The following PYHIN1 variants were observed in gnomAD, a reference collection of about 807,000 sequenced individuals.
The protein encoded by PYHIN1 is pyrin and HIN domain family member 1.
In PYHIN1, 32 loss-of-function variants were observed where a neutral mutation model predicts 43.7. The ratio of observed to expected loss-of-function variants is 0.73; its 90% confidence interval spans 0.55 to 0.98. The LOEUF is 0.98. Ranked by LOEUF, PYHIN1 falls within the 50% of genes least tolerant of loss-of-function variation. The pLI, the probability that PYHIN1 is intolerant of heterozygous loss-of-function variation, is 0.00. For missense variants in PYHIN1, 588 were observed against 589.5 expected, an observed-to-expected ratio of 1.00 and a Z score of 0.03; for synonymous variants, 205 against 203.1, an observed-to-expected ratio of 1.01 and a Z score of -0.08.
the PYHIN1 span, among the ~76,000 whole-genome samples, chr1:158,983,725 C>A: frequency 1.3e-5 from 2 of 152,100 alleles, no homozygotes; most frequent in Non-Finnish European, 2.9e-5. Flanking sequence ...ATCAGCTCCT[C>A]CTTATCTATC....
intron 8 of PYHIN1, among the ~76,000 whole-genome samples, chr1:158,975,523 A>G (rs567066458): frequency 3.9e-5 from 6 of 152,110 alleles, no homozygotes; most frequent in Non-Finnish European, 4.4e-5. Context: ...AAAAACTTGC[A>G]TAGTCTTTAA....
chr1:158,982,398 G>A, the PYHIN1 span, among the ~76,000 whole-genome samples: 1 of 152,086 alleles, frequency 6.6e-6, no homozygotes, highest in Non-Finnish European at 1.5e-5. Context: ...TGAATAGGAA[G>A]TACTGTTTCC....
intron 7 of PYHIN1, among the ~76,000 whole-genome samples, chr1:158,945,898 C>A (rs866415842): frequency 6.6e-6 from 1 of 152,226 alleles, no homozygotes; most frequent in Middle Eastern, 3.4e-3. Context: ...TACTTTCTGT[C>A]CCAATTGACA....
At chr1:158,939,592 C>T (rs1412843621) in intron 4 of PYHIN1, 2 of 1,381,880 alleles carry the variant, frequency 1.4e-6, no homozygotes, top group Non-Finnish European at 2.0e-6. Flanking sequence ...ATACACCATG[C>T]TCCTTTTTCC....
chr1:158,944,647 A>G (rs1002446673), intron 6 of PYHIN1, among the ~76,000 whole-genome samples: 6 of 152,194 alleles, frequency 3.9e-5, no homozygotes, highest in Non-Finnish European at 7.4e-5. Flanking sequence ...ATTTCATTTT[A>G]AAAAATAAGT....
intron 7 of PYHIN1, among the ~76,000 whole-genome samples, chr1:158,958,645 T>C (rs538641400): frequency 3.5e-4 from 52 of 150,180 alleles, no homozygotes; most frequent in Non-Finnish European, 5.3e-4. Context: ...TTGGGAGATA[T>C]ACCTAATGGT....
intron 7 of PYHIN1, among the ~76,000 whole-genome samples, chr1:158,955,484 A>G (rs1293199644): frequency 6.6e-6 from 1 of 152,004 alleles, no homozygotes; most frequent in African/African-American, 2.4e-5. Context: ...AAACTGAACA[A>G]CCTGCTCCTG....
At chr1:158,944,817 A>G in intron 6 of PYHIN1, 58 bp from the exon 7 acceptor site, 1 of 1,261,986 alleles carries the variant, frequency 7.9e-7, no homozygotes, top group Non-Finnish European at 1.1e-6. Flanking sequence ...ACATATTTAA[A>G]GATGTTTTGC....
the PYHIN1 span, among the ~76,000 whole-genome samples, chr1:158,983,968 T>G: frequency 1.2e-4 from 18 of 151,412 alleles, no homozygotes; most frequent in South Asian, 3.7e-3. Flanking sequence ...TGTATTTCTG[T>G]GGGTTCCATG....
intron 7 of PYHIN1, among the ~76,000 whole-genome samples, chr1:158,947,463 T>G (rs1473957682): frequency 6.6e-6 from 1 of 152,234 alleles, no homozygotes; most frequent in African/African-American, 2.4e-5. Context: ...TGACAAAGAT[T>G]GCTTCCTTTG....
At chr1:158,983,273 G>T in the PYHIN1 span, among the ~76,000 whole-genome samples, 1 of 152,018 alleles carries the variant, frequency 6.6e-6, no homozygotes, top group East Asian at 1.9e-4. Flanking sequence ...TATGATGTTG[G>T]CTGTGGTTTT....
intron 7 of PYHIN1, among the ~76,000 whole-genome samples, chr1:158,951,799 C>T (rs1382845256): frequency 7.2e-5 from 11 of 152,184 alleles, no homozygotes; most frequent in Admixed American, 7.2e-4. Context: ...TTAATTGCTC[C>T]TTAACTAACT....
Position 158,943,905 on chromosome 1 carries a change from G to A in PYHIN1, c.1118G>A (p.Arg373Gln), listed in dbSNP as rs761052402. Residue 373 changes from arginine to glutamine, a missense_variant, in exon 6 of 9, where the codon CGA becomes CAA. Coordinates refer to ENST00000368140, the MANE Select transcript of PYHIN1 (RefSeq NM_152501.5). ...CCCTGTGAAAAAGGAGATAAGCTTC[G>A]ACTCTTCTGCTTTCGACTGAGAAAG... Reference protein sequence around the residue: ...NIPCEKGDKLRLFCFRLRKRE... With the variant: ...NIPCEKGDKLQLFCFRLRKRE... The A allele has an allele frequency of 2.2e-5, 36 of 1,608,802 alleles. No individual in the cohort carries two copies. The African/African-American group carries it at 3.1e-4, about 14-fold the overall frequency.
chr1:158,990,048 C>A, the PYHIN1 span, among the ~76,000 whole-genome samples: 6 of 152,266 alleles, frequency 3.9e-5, no homozygotes, highest in African/African-American at 1.4e-4. Context: ...GGCATGCTGG[C>A]TTCTCATCAA....
chr1:158,939,689 T>C, intron 4 of PYHIN1: 2 of 635,716 alleles, frequency 3.1e-6, no homozygotes, highest in Non-Finnish European at 5.6e-6. Flanking sequence ...AATATTGAGA[T>C]CTTATCCTCA....
chr1:158,959,074 C>G (rs961620438), intron 7 of PYHIN1, among the ~76,000 whole-genome samples: 1 of 151,872 alleles, frequency 6.6e-6, no homozygotes, highest in Non-Finnish European at 1.5e-5. Context: ...ACTCACTGAC[C>G]GTGCAGTTTT....
chr1:158,967,735 CA>C (rs1163579264), intron 7 of PYHIN1, among the ~76,000 whole-genome samples: 1 of 151,970 alleles, frequency 6.6e-6, no homozygotes, highest in East Asian at 1.9e-4. Context: ...AGTACTGGTA[CA>C]AAAACAGACA....
chr1:158,949,474 T>G (rs573169743), intron 7 of PYHIN1, among the ~76,000 whole-genome samples: 3 of 152,068 alleles, frequency 2.0e-5, no homozygotes, highest in Non-Finnish European at 2.9e-5. Flanking sequence ...GCTGGTGCGC[T>G]GTACCCACTA....
intron 7 of PYHIN1, among the ~76,000 whole-genome samples, chr1:158,947,352 A>C (rs1401506535): frequency 6.6e-6 from 1 of 152,208 alleles, no homozygotes; most frequent in South Asian, 2.1e-4. Flanking sequence ...GAATGTGTTC[A>C]TTACCTATAT....
Sources: gnomAD v4.1 joint callset for allele counts (sites outside exome capture counted in the v4.1 genomes callset) on GRCh38, gnomAD v4.1.1 for gene constraint, MANE v1.5 for transcripts, NCBI Gene and HGNC (gene_info 2026-07-23, HGNC 2026-07-21) for gene names.